The following CPSF3 variants were observed in gnomAD, a reference collection of about 807,000 sequenced individuals.
CPSF3 encodes cleavage and polyadenylation specific factor 3.
A neutral mutation model predicts 84.1 loss-of-function variants in CPSF3; 57 were observed. That is an observed-to-expected ratio of 0.68 (90% CI 0.55 to 0.85). The LOEUF is 0.85. CPSF3 is among the 40% of genes least tolerant of loss of function. CPSF3 has a pLI of 0.00. For synonymous variants in CPSF3, 275 were observed against 278.1 expected, an observed-to-expected ratio of 0.99 and a Z score of 0.11; for missense variants, 522 against 838.8, an observed-to-expected ratio of 0.62 and a Z score of 4.66.
At chr2:9,442,624 G>T (rs1680992627) in intron 9 of CPSF3, among the ~76,000 whole-genome samples, 1 of 152,164 alleles carries the variant, frequency 6.6e-6, no homozygotes, top group South Asian at 2.1e-4. Flanking sequence ...GCCAAGGCGG[G>T]CGGATCACCT....
chr2:9,465,824 T>TG (rs928011299), intron 15 of CPSF3, among the ~76,000 whole-genome samples: 76 of 152,304 alleles, frequency 5.0e-4, no homozygotes, highest in African/African-American at 1.8e-3. Flanking sequence ...TAAAGTGAAG[T>TG]CTGTTATGAA....
intron 14 of CPSF3, among the ~76,000 whole-genome samples, 160 bp downstream of exon 14, chr2:9,457,187 G>GTGTGTGTA (rs1681564148): frequency 6.7e-6 from 1 of 148,790 alleles, no homozygotes; most frequent in African/African-American, 2.6e-5. Context: ...GTGTGTGTGT[G>GTGTGTGTA]TGTGGTTTTA....
chr2:9,435,048 T>A (rs1262813076), intron 6 of CPSF3, among the ~76,000 whole-genome samples: 1 of 152,224 alleles, frequency 6.6e-6, no homozygotes, highest in Non-Finnish European at 1.5e-5. Flanking sequence ...AAAAAGTAGC[T>A]ATTTTCATAG....
intron 14 of CPSF3, among the ~76,000 whole-genome samples, chr2:9,458,882 G>A (rs1681624541): frequency 6.6e-6 from 1 of 152,130 alleles, no homozygotes; most frequent in African/African-American, 2.4e-5. Flanking sequence ...GGAGGCCGAG[G>A]TGGGCGGATC....
At chr2:9,430,153 C>CT in intron 3 of CPSF3, 133 bp downstream of exon 3, 1 of 576,146 alleles carries the variant, frequency 1.7e-6, no homozygotes, top group South Asian at 2.4e-5. Context: ...ACATCTGAGT[C>CT]TAAACCAACA....
intron 11 of CPSF3, among the ~76,000 whole-genome samples, chr2:9,449,026 A>G (rs932597183): frequency 6.6e-6 from 1 of 152,190 alleles, no homozygotes; most frequent in Non-Finnish European, 1.5e-5. Context: ...AGATAGGCTC[A>G]TATCTCTAAA....
At chr2:9,444,457 T>A (rs1405794795) in intron 10 of CPSF3, among the ~76,000 whole-genome samples, 2 of 151,820 alleles carry the variant, frequency 1.3e-5, no homozygotes, top group African/African-American at 4.8e-5. Flanking sequence ...ATCGTGTAAC[T>A]TATTAAAAAT....
intron 15 of CPSF3, among the ~76,000 whole-genome samples, chr2:9,460,424 G>A (rs924990150): frequency 3.3e-5 from 5 of 151,770 alleles, no homozygotes; most frequent in African/African-American, 4.8e-5. Context: ...GCAAGACTCC[G>A]TCTCAAAAAT....
chr2:9,425,965 G>A (rs550708364), intron 1 of CPSF3, among the ~76,000 whole-genome samples: 17 of 152,204 alleles, frequency 1.1e-4, no homozygotes, highest in Middle Eastern at 6.8e-3. Flanking sequence ...TTATAGATTT[G>A]CCTGTTCTGG....
At chr2:9,446,340 G>A (rs1200124131) in intron 10 of CPSF3, among the ~76,000 whole-genome samples, 2 of 151,952 alleles carry the variant, frequency 1.3e-5, no homozygotes, top group African/African-American at 4.8e-5. Flanking sequence ...CAGCATTTTG[G>A]GAGGCCAAGG....
chr2:9,467,452 A>G (rs1388603843), intron 15 of CPSF3, among the ~76,000 whole-genome samples: 1 of 152,202 alleles, frequency 6.6e-6, no homozygotes, highest in East Asian at 1.9e-4. Flanking sequence ...TAATAAGAAC[A>G]TGAAATATTG....
At chr2:9,471,068 G>C (rs1212129189) in intron 16 of CPSF3, among the ~76,000 whole-genome samples, 1 of 152,134 alleles carries the variant, frequency 6.6e-6, no homozygotes, top group Non-Finnish European at 1.5e-5. Flanking sequence ...ACAAAAATTA[G>C]CTGGCTGTGG....
chr2:9,449,864 A>G (rs961549846), intron 11 of CPSF3, among the ~76,000 whole-genome samples: 10 of 152,248 alleles, frequency 6.6e-5, no homozygotes, highest in African/African-American at 1.9e-4. Flanking sequence ...AGAAGTCTGC[A>G]TCTTTACTTC....
At chr2:9,424,295 A>G (rs2148929445) in intron 1 of CPSF3, 1 of 974,462 alleles carries the variant, frequency 1.0e-6, no homozygotes, top group Middle Eastern at 5.3e-4. Flanking sequence ...GTTAGAAAAT[A>G]TTAGGGACTT....
intron 10 of CPSF3, among the ~76,000 whole-genome samples, chr2:9,446,018 G>A (rs748041236): frequency 3.3e-5 from 5 of 152,198 alleles, no homozygotes; most frequent in Non-Finnish European, 7.3e-5. Context: ...ACTTGGTCAA[G>A]GTTACACAGC....
intron 10 of CPSF3, among the ~76,000 whole-genome samples, chr2:9,445,793 T>G (rs563450798): frequency 6.6e-6 from 1 of 152,250 alleles, no homozygotes; most frequent in African/African-American, 2.4e-5. Context: ...TGGGTTGAAC[T>G]TCATGCTCAT....
rs775650922 is a variant in CPSF3, at chr2:9,467,402, T to G, written c.1787-305T>G. 3.9e-5 allele frequency among the ~76,000 whole-genome samples: 6 copies of G among 152,068 alleles called. 1 individual carries two copies. Among genetic ancestry groups the G allele is most frequent in the Admixed American group, 1.3e-4 (2 of 15,266 alleles). On this transcript the variant is annotated intron_variant, in intron 15 of 17. Coordinates refer to ENST00000238112, the MANE Select transcript of CPSF3 (RefSeq NM_016207.4). Reference sequence around the variant, plus strand: ...TGTAAAGTTTAAGAAATGTGGGAAATAAAACTAAAAATAATATTAAGTGTC... The same window carrying G: ...TGTAAAGTTTAAGAAATGTGGGAAAGAAAACTAAAAATAATATTAAGTGTC...
At chr2:9,435,878 G>A (rs1205509067) in intron 6 of CPSF3, among the ~76,000 whole-genome samples, 4 of 151,666 alleles carry the variant, frequency 2.6e-5, no homozygotes, top group East Asian at 3.9e-4. Flanking sequence ...GATTACAGGC[G>A]CCCACCACCA....
intron 12 of CPSF3, among the ~76,000 whole-genome samples, chr2:9,454,445 T>C (rs189918328): frequency 8.7e-4 from 132 of 152,082 alleles, no homozygotes; most frequent in African/African-American, 3.0e-3. Flanking sequence ...TGGTGAGGTA[T>C]TTACCTGTGA....
Sources: gnomAD v4.1 joint callset for allele counts (sites outside exome capture counted in the v4.1 genomes callset) on GRCh38, gnomAD v4.1.1 for gene constraint, MANE v1.5 for transcripts, NCBI Gene and HGNC (gene_info 2026-07-23, HGNC 2026-07-21) for gene names.